Variants in FBXL18 observed in about 807,000 individuals in gnomAD.
The protein encoded by FBXL18 is F-box/LRR-repeat protein 18.
In FBXL18, 36 loss-of-function variants were observed where a neutral mutation model predicts 46.0. That is an observed-to-expected ratio of 0.78 (90% confidence interval 0.60 to 1.03). The LOEUF (loss-of-function observed/expected upper bound fraction) is 1.03, where lower values mean the gene tolerates loss of function less well. FBXL18 is among the 50% of genes least tolerant of loss of function. The probability of loss-of-function intolerance (pLI) is 0.00; values close to 1 mark genes in which losing one functional copy is unlikely to be tolerated. For missense variants in FBXL18, 977 were observed against 1,004.1 expected, an observed-to-expected ratio of 0.97 and a Z score of 0.36; for synonymous variants, 557 against 465.3, an observed-to-expected ratio of 1.20 and a Z score of -2.54.
At chr7:5,467,179 G>A (rs563962860) in intron 4 of FBXL18, among the ~76,000 whole-genome samples, 5 of 152,106 alleles carry the variant, frequency 3.3e-5, no homozygotes, top group Admixed American at 1.3e-4. Context: ...GTGAAACCCC[G>A]TCTCTACTAA....
chr7:5,492,175 G>T (rs914211644), intron 3 of FBXL18, among the ~76,000 whole-genome samples: 1 of 149,438 alleles, frequency 6.7e-6, no homozygotes, highest in Non-Finnish European at 1.5e-5. Context: ...GAAAGGGGAG[G>T]ACTTGGGAAA....
intron 2 of FBXL18, among the ~76,000 whole-genome samples, chr7:5,502,681 A>G (rs983858821): frequency 2.6e-5 from 4 of 151,898 alleles, no homozygotes; most frequent in African/African-American, 9.7e-5. Context: ...AAATACAAAA[A>G]TTAGCTGGGT....
chr7:5,463,342 T>G (rs571138896), intron 4 of FBXL18, among the ~76,000 whole-genome samples: 17 of 151,998 alleles, frequency 1.1e-4, no homozygotes, highest in Admixed American at 5.9e-4. Context: ...CCATGAGGGC[T>G]GGGGCAGTGG....
Position 5,501,887 on chromosome 7 carries a change from C to T in FBXL18, c.382G>A (p.Gly128Ser). ...CRSLVKVNLS[G>S]CHLTSLRLSK... Reference sequence around the variant, plus strand: ...AGGCGCAGGGAAGTGAGGTGGCAGCCCGAGAGGTTCACCTTCACCAGGCTG... The same window carrying T: ...AGGCGCAGGGAAGTGAGGTGGCAGCTCGAGAGGTTCACCTTCACCAGGCTG... Residue 128 changes from glycine (G) to serine (S), a missense_variant, in exon 3 of 5, where the codon GGC (glycine) becomes AGC (serine). Gly to Ser is a moderately conservative substitution (Grantham distance 56, BLOSUM62 0). Coordinates refer to ENST00000382368, the MANE Select transcript of FBXL18 (RefSeq NM_024963.6). The T allele has an allele frequency of 6.2e-7, 1 of 1,602,710 alleles. No homozygotes were observed. The highest frequency in any genetic ancestry group is 8.5e-7 in the Non-Finnish European group (1 of 1,175,868).
intron 3 of FBXL18, among the ~76,000 whole-genome samples, chr7:5,492,815 C>T (rs1036512199): frequency 6.6e-5 from 10 of 152,194 alleles, no homozygotes; most frequent in Admixed American, 2.6e-4. Flanking sequence ...GGCAGGCGCC[C>T]GAGTTCCTCC....
chr7:5,472,472 G>A (rs778864705), downstream of FBXL18, among the ~76,000 whole-genome samples: 23 of 152,160 alleles, frequency 1.5e-4, no homozygotes, highest in Non-Finnish European at 2.6e-4. Context: ...CAGCTGCCAC[G>A]CTGTGAGGAA....
chr7:5,463,728 ATTTTT>A lies in FBXL18; in HGVS notation c.2001-15890_2001-15886del, dbSNP rs552002078. Among the ~76,000 whole-genome samples the A allele has an allele frequency of 9.2e-4, 49 of 53,002 alleles. 1 individual carries two copies. Among genetic ancestry groups the A allele is most frequent in the African/African-American group, 3.4e-3 (43 of 12,564 alleles). The allele number at this position is 53,002 out of a possible 152,430, so 34.8% of individuals were successfully genotyped here. On this transcript the variant is annotated intron_variant and NMD_transcript_variant, in intron 4 of 6. Transcript: ENST00000415009. ...TATTTATTTATTTATTTATTTATTT[ATTTTT>A]TTTTTTTTTTTTTTTTTTTTTTTTT...
chr7:5,496,056 G>A lies in FBXL18; in HGVS notation c.1781+4432C>T, dbSNP rs1189432872. The A allele has an allele frequency of 2.5e-5, 9 of 363,490 alleles. No individual in the cohort carries two copies. The highest frequency in any genetic ancestry group is 1.1e-4 in the African/African-American group (5 of 46,700). 22.5% of individuals were successfully genotyped at this position (363,490 alleles called of 1,614,324 possible). ...CCTGAGGAAGGCCCTTGGCCACGGGGATTCCGTCCCAGACTCCGGAGGCCA... is the reference window on the plus strand; with the variant it reads ...CCTGAGGAAGGCCCTTGGCCACGGGAATTCCGTCCCAGACTCCGGAGGCCA... On this transcript the variant is annotated intron_variant, in intron 3 of 4. Transcript: ENST00000382368. This position sits in a 1 kb window ranked among gnomAD's most constrained non-coding sequence, Gnocchi z 4.8.
chr7:5,468,920 A>C (rs919278125), intron 4 of FBXL18, among the ~76,000 whole-genome samples: 1 of 152,132 alleles, frequency 6.6e-6, no homozygotes, highest in African/African-American at 2.4e-5. Context: ...CCTCTAATCA[A>C]ACTGGCTGTG....
intron 4 of FBXL18, among the ~76,000 whole-genome samples, chr7:5,470,042 GAGT>G (rs1190722385): frequency 8.7e-5 from 13 of 149,608 alleles, no homozygotes; most frequent in African/African-American, 2.7e-4. Flanking sequence ...GCCGTTGGAC[GAGT>G]GAGTGCACAT....
chr7:5,513,433 C>A (rs1374594582), intron 1 of FBXL18, among the ~76,000 whole-genome samples: 6 of 151,740 alleles, frequency 4.0e-5, no homozygotes, highest in Non-Finnish European at 5.9e-5. Flanking sequence ...AATGCACGAG[C>A]GAAGGGGGAG....
At chr7:5,456,143 G>C (rs534528106) in intron 4 of FBXL18, among the ~76,000 whole-genome samples, 29 of 152,154 alleles carry the variant, frequency 1.9e-4, no homozygotes, top group Non-Finnish European at 3.8e-4. Context: ...CCTAAAAGCA[G>C]ACCAGTCCCC....
intron 4 of FBXL18, among the ~76,000 whole-genome samples, chr7:5,468,107 C>T (rs532538799): frequency 2.6e-5 from 4 of 152,086 alleles, no homozygotes; most frequent in South Asian, 2.1e-4. Flanking sequence ...CTCAGTCTCC[C>T]GAGTAGCTGG....
chr7:5,466,578 G>T (rs539790904), intron 4 of FBXL18, among the ~76,000 whole-genome samples: 26 of 152,280 alleles, frequency 1.7e-4, no homozygotes, highest in African/African-American at 5.3e-4. Context: ...GGGCCACCAG[G>T]ATAATCCCAG....
At chr7:5,504,622 G>A (rs1291907545) in intron 2 of FBXL18, among the ~76,000 whole-genome samples, 1 of 137,474 alleles carries the variant, frequency 7.3e-6, no homozygotes, top group African/African-American at 2.6e-5. Flanking sequence ...TTATCTTTAA[G>A]ATTCATTACC....
downstream of FBXL18, among the ~76,000 whole-genome samples, chr7:5,474,678 A>ACTTT (rs1783479625): frequency 6.6e-5 from 1 of 15,246 alleles, no homozygotes; most frequent in African/African-American, 2.7e-4. Flanking sequence ...CAAATTATGC[A>ACTTT]CTTTATTTTT....
rs768540455 is a variant in FBXL18 at position 5,500,904 on chromosome 7, G to A, written c.1365C>T (p.Gly455=). The change falls in exon 3 of 5, where the codon GGC becomes GGT. Residue 455 remains glycine, a synonymous_variant. Transcript: ENST00000382368. The part of the protein sequence containing the change: ...PRGFGKKVRV[G]VQSCPSPFSG... ...AGAAGGGGCTGGGACAGGACTGCACGCCCACACGCACTTTCTTGCCAAAGC... is the reference window on the plus strand; with the variant it reads ...AGAAGGGGCTGGGACAGGACTGCACACCCACACGCACTTTCTTGCCAAAGC... The A allele has an allele frequency of 2.5e-6, 4 of 1,576,076 alleles. No individual in the cohort carries two copies. Among genetic ancestry groups the A allele is most frequent in the African/African-American group, 2.7e-5 (2 of 73,880 alleles).
intron 4 of FBXL18, among the ~76,000 whole-genome samples, chr7:5,490,762 C>T (rs763032506): frequency 2.6e-4 from 40 of 152,266 alleles, no homozygotes; most frequent in South Asian, 2.1e-4. Context: ...GTCGGGAGTT[C>T]GAGACCAGCC....
At chr7:5,463,716 A>ATATAT (rs1562672225) in intron 4 of FBXL18, among the ~76,000 whole-genome samples, 6 of 61,416 alleles carry the variant, frequency 9.8e-5, no homozygotes, top group Non-Finnish European at 1.2e-4. Flanking sequence ...TTATTTATTT[A>ATATAT]TTTATTTATT....
Sources: gnomAD v4.1 joint callset for allele counts (sites outside exome capture counted in the v4.1 genomes callset) on GRCh38, gnomAD v4.1.1 for gene constraint, Gnocchi (gnomAD v3.1) non-coding constraint, MANE v1.5 for transcripts, NCBI Gene and HGNC (gene_info 2026-07-23, HGNC 2026-07-21) for gene names.